Variants in DMD observed in about 807,000 individuals in gnomAD.
The protein encoded by DMD is mutant dystrophin.
In DMD, 63 loss-of-function variants were observed where a neutral mutation model predicts 330.1. That is an observed-to-expected ratio of 0.19 (90% CI 0.16 to 0.24). The LOEUF is 0.24. DMD is among the 10% of genes least tolerant of loss of function. The pLI is 1.00. For synonymous variants in DMD, 1,223 were observed against 959.8 expected (o/e 1.27, Z -5.07); for missense variants, 3,344 against 2,684.1 (o/e 1.25, Z -5.43).
chrX:32,512,801 T>A (rs1268846122), intron 18 of DMD, among the ~76,000 whole-genome samples: 1 of 111,953 alleles, frequency 8.9e-6, no homozygotes, highest in Non-Finnish European at 1.9e-5. Flanking sequence ...TGGGGCTGTC[T>A]CTAAGAGTAT....
At chrX:32,342,360 C>G in intron 40 of DMD, 78 bp from the exon 41 acceptor site, 1 of 1,056,371 alleles carries the variant, frequency 9.5e-7, no homozygotes, top group Non-Finnish European at 1.3e-6. Context: ...AAATACTTCT[C>G]TCAAAATTTC....
chrX:31,129,319 A>C (rs1248636745), intron 77 of DMD, among the ~76,000 whole-genome samples: 1 of 112,034 alleles, frequency 8.9e-6, no homozygotes, highest in Non-Finnish European at 1.9e-5. Flanking sequence ...AAGTCAAAAA[A>C]ATTCAAATGG....
At chrX:32,740,613 T>C (rs1448489223) in intron 7 of DMD, among the ~76,000 whole-genome samples, 6 of 111,629 alleles carry the variant, frequency 5.4e-5, no homozygotes, top group Non-Finnish European at 1.1e-4. Context: ...AAAATAGAAA[T>C]GAATATTATA....
intron 9 of DMD, among the ~76,000 whole-genome samples, chrX:32,659,895 C>G (rs898277172): frequency 3.6e-5 from 4 of 110,589 alleles, no homozygotes; most frequent in Admixed American, 9.7e-5. Flanking sequence ...GTCTTCAGAG[C>G]CTGCCATTTC....
chrX:33,105,554 T>A (rs1219558296), intron 1 of DMD, among the ~76,000 whole-genome samples: 1 of 111,961 alleles, frequency 8.9e-6, no homozygotes, highest in Non-Finnish European at 1.9e-5. Flanking sequence ...ATCTACAACC[T>A]ACAAAGAACT....
At chrX:31,214,642 T>G (rs1373691902) in intron 64 of DMD, among the ~76,000 whole-genome samples, 1 of 111,652 alleles carries the variant, frequency 9.0e-6, no homozygotes, top group Non-Finnish European at 1.9e-5. Context: ...GGAGCTGAGG[T>G]TCAGTGCTGC....
chrX:33,088,926 T>C (rs968735737), intron 1 of DMD, among the ~76,000 whole-genome samples: 29 of 110,795 alleles, frequency 2.6e-4, no homozygotes, highest in Non-Finnish European at 2.6e-4. Flanking sequence ...TGAAACAGGA[T>C]AGTAAAATAA....
At chrX:31,941,443 C>A (rs1224946473) in intron 45 of DMD, among the ~76,000 whole-genome samples, 1 of 111,482 alleles carries the variant, frequency 9.0e-6, no homozygotes, top group East Asian at 2.8e-4. Flanking sequence ...ACTCCCAGAG[C>A]GTATCAATAA....
chrX:31,339,845 G>T (rs1260814705), intron 61 of DMD, among the ~76,000 whole-genome samples: 4 of 112,487 alleles, frequency 3.6e-5, no homozygotes, highest in Non-Finnish European at 7.5e-5. Flanking sequence ...AAAGTGCTGG[G>T]ATTACTGGCG....
chrX:32,708,227 C>G (rs1319572266), intron 7 of DMD, among the ~76,000 whole-genome samples: 1 of 109,836 alleles, frequency 9.1e-6, no homozygotes, highest in Non-Finnish European at 1.9e-5. Context: ...AAGGGCAGTC[C>G]TGGGGCAAAT....
chrX:32,372,716 A>G (rs1263051136), intron 34 of DMD, among the ~76,000 whole-genome samples: 2 of 111,480 alleles, frequency 1.8e-5, no homozygotes, highest in Non-Finnish European at 3.8e-5. Context: ...ATTTAAAAAT[A>G]CAGTGAAAGG....
intron 25 of DMD, 89 bp downstream of exon 25, chrX:32,463,350 C>G (rs1453752390): frequency 2.2e-6 from 2 of 915,678 alleles, no homozygotes; most frequent in East Asian, 3.5e-5. Context: ...AGGAACAAAG[C>G]CTTAACCAAA....
chrX:32,335,993 TGTATATATAACGTTATATATAACGTG>T (rs1569558538), intron 41 of DMD, among the ~76,000 whole-genome samples: 4 of 30,369 alleles, frequency 1.3e-4, no homozygotes, highest in East Asian at 1.3e-3. Context: ...ATATATAACG[TGTATATATAACGTTATATATAACGTG>T]TATATATAAC....
chrX:32,732,709 T>C (rs2067869894), intron 7 of DMD, among the ~76,000 whole-genome samples: 2 of 110,564 alleles, frequency 1.8e-5, no homozygotes, highest in South Asian at 3.9e-4. Flanking sequence ...GACAAGCAAA[T>C]GCTGAGAGAT....
At chrX:32,809,378 G>A in intron 7 of DMD, 115 bp downstream of exon 7, 1 of 612,081 alleles carries the variant, frequency 1.6e-6, no homozygotes. Context: ...TATATCTACA[G>A]TATTGGAAAA....
intron 7 of DMD, among the ~76,000 whole-genome samples, chrX:32,739,768 G>C (rs2068994471): frequency 9.0e-6 from 1 of 110,875 alleles, no homozygotes. Context: ...AGTTCTCATA[G>C]TGTGGTTCTC....
intron 45 of DMD, among the ~76,000 whole-genome samples, chrX:31,943,807 C>G (rs1436649453): frequency 9.3e-6 from 1 of 107,244 alleles, no homozygotes; most frequent in African/African-American, 3.4e-5. Flanking sequence ...TCTGTTTTCT[C>G]AAACTATGTA....
At chrX:31,150,668 G>A (rs369173609) in intron 74 of DMD, among the ~76,000 whole-genome samples, 1 of 111,849 alleles carries the variant, frequency 8.9e-6, no homozygotes, top group African/African-American at 3.2e-5. Context: ...CCATTGTCCA[G>A]TTTGAGAAAG....
At chrX:31,412,989 T>G (rs1026520009) in intron 60 of DMD, among the ~76,000 whole-genome samples, 3 of 111,927 alleles carry the variant, frequency 2.7e-5, no homozygotes, top group Non-Finnish European at 1.9e-5. Flanking sequence ...TCATGTTATC[T>G]TCTTACTGAA....
Sources: allele counts gnomAD v4.1 joint callset (sites outside exome capture counted in the v4.1 genomes callset), GRCh38; gene constraint gnomAD v4.1.1; transcripts MANE v1.5; gene names NCBI Gene and HGNC (gene_info 2026-07-23, HGNC 2026-07-21).